The following PCSK6 variants were observed in gnomAD, a reference collection of about 807,000 sequenced individuals.
The protein encoded by PCSK6 is proprotein convertase subtilisin/kexin type 6.
A neutral mutation model predicts 123.3 loss-of-function variants in PCSK6; 85 were observed. The observed-to-expected ratio is 0.69, with a 90% CI of 0.58 to 0.83. The LOEUF is 0.83. PCSK6 is among the 40% of genes least tolerant of loss of function. The probability of loss-of-function intolerance (pLI) is 0.00; values close to 1 mark genes in which losing one functional copy is unlikely to be tolerated. For missense variants in PCSK6, 1,191 were observed against 1,282.3 expected (o/e 0.93, Z 1.09); for synonymous variants, 508 against 516.0 (o/e 0.98, Z 0.21).
rs1248371580 is a variant in PCSK6, at chr15:101,382,124, G to A, written c.1500C>T (p.His500=). The A allele has an allele frequency of 6.2e-7, 1 of 1,611,490 alleles. No individual in the cohort carries two copies. The highest frequency in any genetic ancestry group is 8.5e-7 in the Non-Finnish European group (1 of 1,179,006). Residue 500 remains histidine (H), a synonymous_variant, in exon 11 of 22, where the codon CAC becomes CAT. Transcript: ENST00000611716. ...AKKWTAVPSQ[H]MCVAASDKRP... is the part of the protein sequence containing the mutation. ...TCTTGTCCGAGGCGGCCACACACAT[G>A]TGCTGCGATGGCACTGCTGTCCACT...
chr15:101,383,647 C>A lies in PCSK6; in HGVS notation c.1414+675G>T, dbSNP rs77273315. ...AGTTTTACAGTTAGAAAGTAACTTA[C>A]AAAACTATCTCAATGTCCTCATTGT... On this transcript the variant is annotated intron_variant, in intron 10 of 21. Transcript: ENST00000611716. Among the ~76,000 whole-genome samples the A allele has an allele frequency of 3.9e-3, 588 of 152,128 alleles. 5 individuals carry two copies. Among genetic ancestry groups the A allele is most frequent in the African/African-American group, 0.013 (530 of 41,496 alleles).
At chr15:101,363,781 C>T (rs1307224823) in intron 13 of PCSK6, among the ~76,000 whole-genome samples, 1 of 151,164 alleles carries the variant, frequency 6.6e-6, no homozygotes, top group Admixed American at 6.7e-5. Flanking sequence ...AGGTGCCTGC[C>T]ACCTTGCCTG....
At chr15:101,465,706 T>C (rs865890258) in intron 1 of PCSK6, among the ~76,000 whole-genome samples, 3 of 151,964 alleles carry the variant, frequency 2.0e-5, no homozygotes, top group Non-Finnish European at 4.4e-5. Flanking sequence ...ACATTGGTAA[T>C]GATCTAAGGC....
intron 1 of PCSK6, among the ~76,000 whole-genome samples, chr15:101,475,955 T>C (rs1217366023): frequency 6.6e-6 from 1 of 152,212 alleles, no homozygotes; most frequent in African/African-American, 2.4e-5. Flanking sequence ...ACTGGCACTA[T>C]CTGTTGGGAG....
At chr15:101,395,457 C>A (rs1206665569) in intron 7 of PCSK6, among the ~76,000 whole-genome samples, 1 of 152,222 alleles carries the variant, frequency 6.6e-6, no homozygotes, top group East Asian at 1.9e-4. Context: ...ACTATGAGAC[C>A]AACCCATCCT....
At chr15:101,349,414 G>A (rs1169605280) in intron 13 of PCSK6, among the ~76,000 whole-genome samples, 1 of 152,198 alleles carries the variant, frequency 6.6e-6, no homozygotes, top group East Asian at 1.9e-4. Flanking sequence ...TGCCTCCAGC[G>A]CAGCAACCCT....
At chr15:101,355,336 T>G (rs1306596782) in intron 13 of PCSK6, among the ~76,000 whole-genome samples, 2 of 152,236 alleles carry the variant, frequency 1.3e-5, no homozygotes, top group African/African-American at 2.4e-5. Flanking sequence ...GAGAGAAGAT[T>G]GGAAAGCATG....
chr15:101,403,368 A>C (rs931511638), intron 6 of PCSK6, among the ~76,000 whole-genome samples: 4 of 151,564 alleles, frequency 2.6e-5, no homozygotes, highest in African/African-American at 4.8e-5. Context: ...ACATGTACAC[A>C]TATGTAACTA....
At position 101,347,729 on chromosome 15, in the gene PCSK6, A is replaced by C. The variant is rs768121217; in HGVS notation, c.1859-15698T>G. The C allele has an allele frequency of 1.2e-6, 2 of 1,613,828 alleles. 1 individual carries two copies. The highest frequency in any genetic ancestry group is 2.2e-5 in the South Asian group (2 of 91,058). The stretch of plus-strand genomic sequence containing the variant: ...CTGCAGTATTTCACAGAGATTACCA[A>C]AGCTCTTGTTCAATCTGCCACCGGA... On this transcript the variant is annotated intron_variant, in intron 13 of 21. Coordinates refer to ENST00000611716, the MANE Select transcript of PCSK6 (RefSeq NM_002570.5).
At position 101,318,451 on chromosome 15, in the gene PCSK6, C is replaced by T; in HGVS notation, c.2466-29G>A. On this transcript the variant is annotated intron_variant, in intron 18 of 21. Transcript: ENST00000611716. ...TTGAAAAGAAAGAGGCAGATTTCCA[C>T]ATCCATTCCAAAAGTCTAATTATGA... The T allele has an allele frequency of 2.6e-6, 4 of 1,521,676 alleles. No individual in the cohort carries two copies. The African/African-American group carries it at 4.1e-5, about 16-fold the overall frequency. The allele number at this position is 1,521,676 out of a possible 1,614,324, so 94.3% of individuals were successfully genotyped here.
chr15:101,435,779 C>T lies in PCSK6; in HGVS notation c.403-3679G>A, dbSNP rs115294457. Among the ~76,000 whole-genome samples the T allele has an allele frequency of 9.4e-4, 143 of 152,248 alleles. 1 individual carries two copies. The highest frequency in any genetic ancestry group is 3.1e-3 in the African/African-American group (128 of 41,532). On this transcript the variant is annotated intron_variant, in intron 2 of 21. Coordinates refer to ENST00000611716, the MANE Select transcript of PCSK6 (RefSeq NM_002570.5). Reference sequence around the variant, plus strand: ...GTTGACTGTCCCTCTGTTGATAAGACGAGGTAAAATCTAAGGATGTTCCTA... The same window carrying T: ...GTTGACTGTCCCTCTGTTGATAAGATGAGGTAAAATCTAAGGATGTTCCTA...
intron 2 of PCSK6, among the ~76,000 whole-genome samples, chr15:101,436,039 T>C (rs11856843): frequency 0.35 from 53,280 of 152,040 alleles, 10,040 homozygotes; most frequent in African/African-American, 0.49. Context: ...GAGGGTGTTT[T>C]GAAACTTTCA....
At chr15:101,464,095 G>A (rs1159376249) in intron 1 of PCSK6, among the ~76,000 whole-genome samples, 2 of 152,140 alleles carry the variant, frequency 1.3e-5, no homozygotes, top group Non-Finnish European at 2.9e-5. Flanking sequence ...CATCTGCAGA[G>A]ACAACTCTCC....
chr15:101,364,955 G>C (rs539625928), intron 13 of PCSK6: 8 of 775,102 alleles, frequency 1.0e-5, no homozygotes, highest in Non-Finnish European at 1.9e-5. Flanking sequence ...CTCCAAGATA[G>C]ATATACAGAC....
At chr15:101,412,691 T>TTTTATATATATATATATATA (rs772007096) in intron 6 of PCSK6, among the ~76,000 whole-genome samples, 4 of 124,742 alleles carry the variant, frequency 3.2e-5, no homozygotes, top group African/African-American at 1.4e-4. Context: ...AACTGGAAAA[T>TTTTATATATATATATATATA]TATATATATA....
At chr15:101,328,744 CAGGTT>C (rs2040313241) in intron 15 of PCSK6, among the ~76,000 whole-genome samples, 1 of 152,208 alleles carries the variant, frequency 6.6e-6, no homozygotes, top group African/African-American at 2.4e-5. Flanking sequence ...ACCCACCGGT[CAGGTT>C]AAGACGATGC....
At chr15:101,363,172 G>C (rs928307624) in intron 13 of PCSK6, among the ~76,000 whole-genome samples, 1 of 152,224 alleles carries the variant, frequency 6.6e-6, no homozygotes. Flanking sequence ...AAGAATGCGT[G>C]AGATGCATGA....
Position 101,427,873 on chromosome 15 carries a change from C to T in PCSK6, c.823+19G>A, listed in dbSNP as rs1390124281. Reference sequence around the variant, plus strand: ...TGCCCCAGGCCCCTCGGCTCGCAGGCTGCCACGCCCGGCCTTACCTCCTAT... The same window carrying T: ...TGCCCCAGGCCCCTCGGCTCGCAGGTTGCCACGCCCGGCCTTACCTCCTAT... On this transcript the variant is annotated intron_variant, in intron 6 of 21. Coordinates refer to ENST00000611716, the MANE Select transcript of PCSK6 (RefSeq NM_002570.5). 3.2e-6 allele frequency: 5 copies of T among 1,541,070 alleles called. No homozygotes were observed. Among genetic ancestry groups the T allele is most frequent in the Non-Finnish European group, 4.4e-6 (5 of 1,137,590 alleles).
chr15:101,377,384 G>A (rs1214608211), intron 11 of PCSK6, among the ~76,000 whole-genome samples: 2 of 152,162 alleles, frequency 1.3e-5, no homozygotes, highest in Non-Finnish European at 2.9e-5. Flanking sequence ...CTACCTAGGG[G>A]GGCAAGGTGG....
Sources: allele counts gnomAD v4.1 joint callset (sites outside exome capture counted in the v4.1 genomes callset), GRCh38; gene constraint gnomAD v4.1.1; transcripts MANE v1.5; gene names NCBI Gene and HGNC (gene_info 2026-07-23, HGNC 2026-07-21).